Variants in SLC35F3 observed in about 807,000 individuals in gnomAD.
SLC35F3 encodes the protein putative thiamine transporter SLC35F3.
In SLC35F3, 25 loss-of-function variants were observed where a neutral mutation model predicts 49.9. That is an observed-to-expected ratio of 0.50 (90% CI 0.37 to 0.70). The LOEUF is 0.70. Ranked by LOEUF, SLC35F3 falls within the 30% of genes least tolerant of loss-of-function variation. The pLI is 0.00. For synonymous variants in SLC35F3, 275 were observed against 265.4 expected, an observed-to-expected ratio of 1.04 and a Z score of -0.35; for missense variants, 525 against 639.8, an observed-to-expected ratio of 0.82 and a Z score of 1.94.
intron 3 of SLC35F3, among the ~76,000 whole-genome samples, chr1:234,256,486 A>G (rs1667823376): frequency 6.6e-6 from 1 of 152,156 alleles, no homozygotes; most frequent in Non-Finnish European, 1.5e-5. Flanking sequence ...CTTGCCAGAA[A>G]CCAGCCCTTT....
chr1:234,211,119 G>A (rs1667040797), intron 2 of SLC35F3, among the ~76,000 whole-genome samples: 1 of 152,270 alleles, frequency 6.6e-6, no homozygotes, highest in African/African-American at 2.4e-5. Flanking sequence ...TCCATGTGGT[G>A]TTGAGCCTGC....
intron 3 of SLC35F3, among the ~76,000 whole-genome samples, chr1:234,286,462 G>A (rs756305037): frequency 6.6e-6 from 1 of 152,236 alleles, no homozygotes; most frequent in African/African-American, 2.4e-5. Flanking sequence ...TAACTTTACC[G>A]TGAGTTATGT....
At chr1:234,237,385 C>T (rs1345927555) in intron 3 of SLC35F3, among the ~76,000 whole-genome samples, 3 of 152,104 alleles carry the variant, frequency 2.0e-5, no homozygotes, top group African/African-American at 7.2e-5. Flanking sequence ...TGATAAAAAG[C>T]ACTTTAATTG....
At chr1:234,112,787 G>A (rs182143387) in intron 2 of SLC35F3, among the ~76,000 whole-genome samples, 19 of 126,670 alleles carry the variant, frequency 1.5e-4, no homozygotes, top group Admixed American at 7.2e-4. Context: ...CTGTTAGCCA[G>A]GAAGGTCTCG....
intron 2 of SLC35F3, among the ~76,000 whole-genome samples, chr1:233,971,271 G>A (rs927729122): frequency 9.2e-5 from 14 of 152,174 alleles, no homozygotes; most frequent in Admixed American, 2.0e-4. Context: ...AGTTCCCTCC[G>A]ACTAAAACTG....
At chr1:233,964,678 C>T (rs1318774371) in intron 2 of SLC35F3, among the ~76,000 whole-genome samples, 2 of 152,198 alleles carry the variant, frequency 1.3e-5, no homozygotes, top group Non-Finnish European at 2.9e-5. Context: ...GGATGAGCTA[C>T]AGACAGAGGG....
In SLC35F3 at chr1:234,161,204, C is replaced by A. The variant is rs113271852; in HGVS notation, c.284-70213C>A. 7.7e-3 allele frequency among the ~76,000 whole-genome samples: 1,165 copies of A among 152,282 alleles called. 21 individuals carry two copies. Among genetic ancestry groups the A allele is most frequent in the African/African-American group, 0.025 (1,052 of 41,552 alleles). The stretch of plus-strand genomic sequence containing the variant: ...CCAGCCACTAGGCTAAGTGTTTTCA[C>A]TTGTTGTCTCACTTATCTCACAATG... On this transcript the variant is annotated intron_variant, in intron 2 of 7. Transcript: ENST00000366618.
In SLC35F3 at chr1:234,275,806, G is replaced by GCTGCTT. The variant is rs1011546398; in HGVS notation, c.609-33290_609-33289insTCTGCT. Among the ~76,000 whole-genome samples, 6 of 150,902 alleles carry GCTGCTT rather than the reference G, an allele frequency of 4.0e-5. No homozygotes were observed. The East Asian group carries it at 1.2e-3, about 29-fold the overall frequency. On this transcript the variant is annotated intron_variant, in intron 3 of 7. Coordinates refer to ENST00000366618, the MANE Select transcript of SLC35F3 (RefSeq NM_173508.4). ...TAGCACAGAAGATGCTGCTGCTGCT[G>GCTGCTT]CTGCTAGCTAACATTTGTTTAGTAT...
At chr1:234,112,983 TC>T (rs1236542871) in intron 2 of SLC35F3, among the ~76,000 whole-genome samples, 1 of 151,606 alleles carries the variant, frequency 6.6e-6, no homozygotes, top group Admixed American at 6.6e-5. Context: ...GGTGAAAAGA[TC>T]GCTCAAGCCC....
chr1:234,143,464 A>G (rs1665951965), intron 2 of SLC35F3, among the ~76,000 whole-genome samples: 1 of 151,290 alleles, frequency 6.6e-6, no homozygotes, highest in Non-Finnish European at 1.5e-5. Flanking sequence ...AATTTTTTGT[A>G]TTTTTAGTAG....
intron 2 of SLC35F3, among the ~76,000 whole-genome samples, chr1:234,195,514 C>G (rs1666794337): frequency 6.6e-6 from 1 of 152,206 alleles, no homozygotes; most frequent in Non-Finnish European, 1.5e-5. Context: ...ATTCTTATAG[C>G]ATCAAGCTCC....
chr1:233,942,563 G>A (rs1259593075), intron 2 of SLC35F3, among the ~76,000 whole-genome samples: 1 of 151,998 alleles, frequency 6.6e-6, no homozygotes, highest in African/African-American at 2.4e-5. Context: ...CAGGTGTGCT[G>A]CCAGCACACC....
intron 2 of SLC35F3, among the ~76,000 whole-genome samples, chr1:234,093,847 G>A (rs1234818103): frequency 2.0e-5 from 3 of 152,246 alleles, no homozygotes; most frequent in Non-Finnish European, 2.9e-5. Context: ...CCCTGTGCAC[G>A]TGGTGACAAG....
At chr1:234,226,757 T>C (rs1667291265) in intron 2 of SLC35F3, among the ~76,000 whole-genome samples, 1 of 152,054 alleles carries the variant, frequency 6.6e-6, no homozygotes, top group African/African-American at 2.4e-5. Flanking sequence ...GTGTGAATCC[T>C]TTCTCTCTTT....
chr1:234,248,062 G>T (rs1667670991), intron 3 of SLC35F3, among the ~76,000 whole-genome samples: 3 of 152,268 alleles, frequency 2.0e-5, no homozygotes, highest in South Asian at 4.1e-4. Context: ...CTGGTCTATT[G>T]TTCAGTAGGT....
intron 2 of SLC35F3, among the ~76,000 whole-genome samples, chr1:234,055,556 A>G (rs1664444855): frequency 6.6e-6 from 1 of 152,162 alleles, no homozygotes; most frequent in Non-Finnish European, 1.5e-5. Context: ...ACCGTCTGTC[A>G]CGGCTTCCCT....
intron 2 of SLC35F3, among the ~76,000 whole-genome samples, chr1:234,173,336 C>T (rs1666429256): frequency 6.6e-6 from 1 of 152,220 alleles, no homozygotes; most frequent in Admixed American, 6.5e-5. Context: ...GAAAGGTAGA[C>T]ACTCTTATTA....
chr1:234,313,277 T>G (rs374785739), intron 4 of SLC35F3, among the ~76,000 whole-genome samples: 23 of 152,114 alleles, frequency 1.5e-4, no homozygotes, highest in East Asian at 1.2e-3. Flanking sequence ...TCTTTAAAGC[T>G]CAAAGGTTTC....
At chr1:234,253,329 C>G (rs1457193526) in intron 3 of SLC35F3, among the ~76,000 whole-genome samples, 1 of 148,746 alleles carries the variant, frequency 6.7e-6, no homozygotes, top group African/African-American at 2.5e-5. Context: ...AACTTCATCT[C>G]AAAAAAAATA....
Sources: allele counts gnomAD v4.1 joint callset (sites outside exome capture counted in the v4.1 genomes callset), GRCh38; gene constraint gnomAD v4.1.1; transcripts MANE v1.5; gene names NCBI Gene and HGNC (gene_info 2026-07-23, HGNC 2026-07-21).